Variants in PRKDC observed in about 807,000 individuals in gnomAD.
The protein encoded by PRKDC is protein kinase, DNA-activated, catalytic subunit.
PRKDC carries 82 observed loss-of-function variants against 486.9 expected under a neutral mutation model. That is an observed-to-expected ratio of 0.17 (90% CI 0.14 to 0.20). The LOEUF (loss-of-function observed/expected upper bound fraction) is 0.20. PRKDC is among the 10% of genes least tolerant of loss of function. The probability of loss-of-function intolerance (pLI) is 1.00; values close to 1 mark genes in which losing one functional copy is unlikely to be tolerated. For missense variants in PRKDC, 4,504 were observed against 5,038.2 expected, an observed-to-expected ratio of 0.89 and a Z score of 3.21; for synonymous variants, 1,895 against 1,837.0, an observed-to-expected ratio of 1.03 and a Z score of -0.81.
At chr8:47,870,575 G>A (rs1337552183) in intron 40 of PRKDC, among the ~76,000 whole-genome samples, 1 of 152,098 alleles carries the variant, frequency 6.6e-6, no homozygotes, top group African/African-American at 2.4e-5. Context: ...ATACCCCCAA[G>A]TACCTACAAA....
chr8:47,918,539 G>A (rs2090024932), intron 21 of PRKDC, among the ~76,000 whole-genome samples, 156 bp from the exon 22 acceptor site: 1 of 152,142 alleles, frequency 6.6e-6, no homozygotes, highest in Non-Finnish European at 1.5e-5. Flanking sequence ...ATAAATGGTG[G>A]TTGCTTTTAA....
chr8:47,925,694 A>T (rs942303902), intron 21 of PRKDC, among the ~76,000 whole-genome samples: 1 of 152,224 alleles, frequency 6.6e-6, no homozygotes, highest in East Asian at 1.9e-4. Context: ...TATACAATGA[A>T]GTCTTCAAGA....
intron 32 of PRKDC, among the ~76,000 whole-genome samples, chr8:47,889,502 A>T (rs1223829101): frequency 6.6e-6 from 1 of 152,246 alleles, no homozygotes; most frequent in Non-Finnish European, 1.5e-5. Context: ...GCAGCAGGTG[A>T]GGTTGTGTCC....
intron 30 of PRKDC, among the ~76,000 whole-genome samples, chr8:47,895,604 T>C (rs1378052778): frequency 6.6e-6 from 1 of 152,116 alleles, no homozygotes; most frequent in African/African-American, 2.4e-5. Context: ...CGGTTTCTAC[T>C]AAATATAGGA....
At chr8:47,788,372 GGT>G (rs2086828197) in intron 76 of PRKDC, among the ~76,000 whole-genome samples, 2 of 152,276 alleles carry the variant, frequency 1.3e-5, no homozygotes, top group South Asian at 4.1e-4. Flanking sequence ...ATCAAATGAT[GGT>G]GTGTTTCCCT....
At chr8:47,816,796 G>T (rs1338916494) in intron 68 of PRKDC, among the ~76,000 whole-genome samples, 1 of 148,578 alleles carries the variant, frequency 6.7e-6, no homozygotes, top group Non-Finnish European at 1.5e-5. Context: ...TTTTCCACAA[G>T]AACTCATCTC....
Position 47,932,049 on chromosome 8 carries a change from C to A in PRKDC, c.1776+971G>T, listed in dbSNP as rs367659352. On this transcript the variant is annotated intron_variant, in intron 16 of 85. Coordinates refer to ENST00000314191, the MANE Select transcript of PRKDC (RefSeq NM_006904.7). ...GGGATTACAGGTGCCCGCCACCACGCCCGGCTCATTTTTTTTGTATTTTGT... is the reference window on the plus strand; with the variant it reads ...GGGATTACAGGTGCCCGCCACCACGACCGGCTCATTTTTTTTGTATTTTGT... 2.0e-4 allele frequency among the ~76,000 whole-genome samples: 30 copies of A among 151,710 alleles called. No individual in the cohort carries two copies. The East Asian group carries it at 4.7e-3, about 24-fold the overall frequency.
chr8:47,805,542 T>G (rs577467386), intron 69 of PRKDC, among the ~76,000 whole-genome samples: 2 of 152,352 alleles, frequency 1.3e-5, no homozygotes, highest in South Asian at 4.1e-4. Flanking sequence ...TAGACCCTTA[T>G]CAGATATGTG....
intron 36 of PRKDC, among the ~76,000 whole-genome samples, chr8:47,882,379 T>TCAC (rs1325014965): frequency 3.9e-5 from 6 of 152,074 alleles, no homozygotes; most frequent in Non-Finnish European, 8.8e-5. Context: ...CTCTCTTCTG[T>TCAC]CACCACCACC....
chr8:47,883,010 T>C (rs187297472), intron 36 of PRKDC, among the ~76,000 whole-genome samples: 2 of 152,330 alleles, frequency 1.3e-5, no homozygotes, highest in Non-Finnish European at 2.9e-5. Context: ...TGCTGGGCCA[T>C]CCACGCCTCT....
Position 47,900,391 on chromosome 8 carries a change from C to G in PRKDC, c.3346G>C (p.Ala1116Pro). 6.2e-7 allele frequency: 1 copy of G among 1,609,426 alleles called. No homozygotes were observed. Among genetic ancestry groups the G allele is most frequent in the East Asian group, 2.2e-5 (1 of 44,804 alleles). ...IYMESLALAH[A>P]DEKSLGTIQQ... The stretch of plus-strand genomic sequence containing the variant: ...AACGTACCTAAGGACTTCTCATCTG[C>G]ATGTGCTAAGGCCAGACTCTCCATG... The change falls in exon 28 of 86, where the codon GCA becomes CCA. Residue 1116 changes from alanine to proline, a missense_variant. Around this residue, in one of 6 missense-constraint regions of PRKDC, gnomAD observed 1,969 missense variants for 2,068.9 expected, o/e 0.95. Transcript: ENST00000314191.
At chr8:47,840,491 T>TTGACAAATGTACCAAGATTATG (rs1481750932) in intron 54 of PRKDC, among the ~76,000 whole-genome samples, 10 of 152,318 alleles carry the variant, frequency 6.6e-5, no homozygotes, top group African/African-American at 2.4e-4. Context: ...TTTCTTACTT[T>TTGACAAATGTACCAAGATTATG]TGACAAATGT....
At chr8:47,873,719 C>T (rs551137902) in intron 40 of PRKDC, among the ~76,000 whole-genome samples, 18 of 152,232 alleles carry the variant, frequency 1.2e-4, no homozygotes, top group African/African-American at 4.3e-4. Flanking sequence ...GTGAATGGAA[C>T]TGGAAATCAG....
chr8:47,855,732 C>T (rs781436334), intron 49 of PRKDC, among the ~76,000 whole-genome samples: 3 of 152,214 alleles, frequency 2.0e-5, no homozygotes, highest in Non-Finnish European at 4.4e-5. Context: ...TTCCCCACTC[C>T]GACTCAGTAT....
At chr8:47,786,944 G>A (rs1383614978) in intron 76 of PRKDC, among the ~76,000 whole-genome samples, 1 of 151,878 alleles carries the variant, frequency 6.6e-6, no homozygotes, top group East Asian at 1.9e-4. Context: ...GGCCAGACTG[G>A]TCTCGAACTC....
intron 26 of PRKDC, 140 bp downstream of exon 26, chr8:47,904,729 G>A (rs1374312066): frequency 1.7e-6 from 1 of 593,064 alleles, no homozygotes; most frequent in Admixed American, 3.2e-5. Context: ...GGAGGCGCAG[G>A]TTGCAGTGAG....
intron 67 of PRKDC, among the ~76,000 whole-genome samples, chr8:47,818,859 T>A (rs999170709): frequency 6.6e-6 from 1 of 152,242 alleles, no homozygotes; most frequent in Non-Finnish European, 1.5e-5. Context: ...AAAGATGTAC[T>A]CTTCCCCTTA....
intron 25 of PRKDC, 88 bp from the exon 26 acceptor site, chr8:47,905,064 T>A: frequency 1.0e-6 from 1 of 972,824 alleles, no homozygotes; most frequent in Non-Finnish European, 1.6e-6. Context: ...CCATTTGCAG[T>A]ATAAAATTAA....
intron 64 of PRKDC, among the ~76,000 whole-genome samples, chr8:47,823,032 G>C (rs770636117): frequency 1.3e-3 from 200 of 152,162 alleles, no homozygotes; most frequent in Non-Finnish European, 2.4e-3. Flanking sequence ...TGGATCAATG[G>C]GGGGCAGATC....
Sources: allele counts gnomAD v4.1 joint callset (sites outside exome capture counted in the v4.1 genomes callset), GRCh38; gene constraint gnomAD v4.1.1; regional missense constraint gnomAD v4.1.1; transcripts MANE v1.5; gene names NCBI Gene and HGNC (gene_info 2026-07-23, HGNC 2026-07-21).